The following ARMC9 variants were observed in gnomAD, a reference collection of about 807,000 sequenced individuals.
ARMC9 encodes lisH domain-containing protein ARMC9.
In ARMC9, 94 loss-of-function variants were observed where a neutral mutation model predicts 107.0. That is an observed-to-expected ratio of 0.88 (90% CI 0.74 to 1.04). ARMC9 has a LOEUF of 1.04. Among genes scored for constraint, ARMC9 ranks in the 50% least tolerant of loss-of-function variants. The pLI, the probability that ARMC9 is intolerant of heterozygous loss-of-function variation, is 0.00. For synonymous variants in ARMC9, 380 were observed against 396.9 expected, an observed-to-expected ratio of 0.96 and a Z score of 0.51; for missense variants, 942 against 1,030.1, an observed-to-expected ratio of 0.91 and a Z score of 1.17.
At chr2:231,321,585 T>C (rs2042996960) in intron 19 of ARMC9, among the ~76,000 whole-genome samples, 1 of 152,216 alleles carries the variant, frequency 6.6e-6, no homozygotes, top group African/African-American at 2.4e-5. Context: ...TGTCCAGTCC[T>C]GGAGTGGTGG....
At chr2:231,283,731 A>G (rs772294582) in intron 17 of ARMC9, among the ~76,000 whole-genome samples, 2 of 151,948 alleles carry the variant, frequency 1.3e-5, no homozygotes, top group Non-Finnish European at 2.9e-5. Context: ...TGCCCAGCCA[A>G]TTTTTGTTTT....
At chr2:231,216,578 T>A (rs1041798370) in intron 4 of ARMC9, 60 bp from the exon 5 acceptor site, 1 of 1,551,378 alleles carries the variant, frequency 6.4e-7, no homozygotes, top group African/African-American at 1.4e-5. Context: ...GAGGATGGGG[T>A]GAGCAGATAG....
intron 7 of ARMC9, among the ~76,000 whole-genome samples, chr2:231,229,420 G>A (rs2034997476): frequency 1.3e-5 from 2 of 152,200 alleles, no homozygotes; most frequent in Non-Finnish European, 2.9e-5. Flanking sequence ...AGACAGGAAA[G>A]GCACTTGCAG....
At chr2:231,216,607 G>C (rs764275550) in intron 4 of ARMC9, 31 bp from the exon 5 acceptor site, 5 of 1,605,812 alleles carry the variant, frequency 3.1e-6, no homozygotes, top group Non-Finnish European at 4.3e-6. Flanking sequence ...TTGATCTGGA[G>C]ACCTCAAACA....
intron 21 of ARMC9, among the ~76,000 whole-genome samples, chr2:231,347,469 A>C (rs2044860943): frequency 6.6e-6 from 1 of 151,856 alleles, no homozygotes; most frequent in African/African-American, 2.4e-5. Flanking sequence ...GGTACTCCAG[A>C]CGGGCTACAC....
At chr2:231,293,622 T>A (rs2041170609) in intron 18 of ARMC9, among the ~76,000 whole-genome samples, 1 of 152,202 alleles carries the variant, frequency 6.6e-6, no homozygotes, top group African/African-American at 2.4e-5. Context: ...GTAAGGGATG[T>A]CTCTGGAAGA....
chr2:231,199,411 A>G (rs549868622), intron 1 of ARMC9, among the ~76,000 whole-genome samples: 1 of 152,330 alleles, frequency 6.6e-6, no homozygotes, highest in South Asian at 2.1e-4. Flanking sequence ...TCATTTGCAC[A>G]AGCGTGCCAG....
At chr2:231,223,512 A>T (rs1205503729) in intron 6 of ARMC9, among the ~76,000 whole-genome samples, 1 of 152,250 alleles carries the variant, frequency 6.6e-6, no homozygotes, top group Non-Finnish European at 1.5e-5. Flanking sequence ...TTTACTTGGA[A>T]TAAAAATGTA....
At chr2:231,320,026 G>T (rs759049140) in intron 19 of ARMC9, among the ~76,000 whole-genome samples, 23 of 151,986 alleles carry the variant, frequency 1.5e-4, no homozygotes, top group Non-Finnish European at 3.2e-4. Flanking sequence ...TACATAAGTG[G>T]CTAGTATTAT....
chr2:231,201,531 A>G (rs1453466114), intron 1 of ARMC9, among the ~76,000 whole-genome samples: 2 of 152,072 alleles, frequency 1.3e-5, no homozygotes, highest in Admixed American at 6.6e-5. Context: ...TTTTAGTACT[A>G]GTCACCTTCA....
At chr2:231,333,108 G>A (rs1480851249) in intron 20 of ARMC9, among the ~76,000 whole-genome samples, 6 of 152,168 alleles carry the variant, frequency 3.9e-5, no homozygotes, top group Non-Finnish European at 8.8e-5. Flanking sequence ...GGGCCCCCTG[G>A]TCACCTGGCC....
chr2:231,235,143 T>G (rs1203655746), intron 7 of ARMC9, 81 bp from the exon 8 acceptor site: 1 of 1,419,044 alleles, frequency 7.0e-7, no homozygotes, highest in Non-Finnish European at 9.5e-7. Context: ...GCAATAAGTA[T>G]GGTAGTTCTT....
intron 19 of ARMC9, among the ~76,000 whole-genome samples, chr2:231,324,367 C>T (rs2043190233): frequency 6.6e-6 from 1 of 150,930 alleles, no homozygotes; most frequent in African/African-American, 2.4e-5. Flanking sequence ...ACCTCGTAAT[C>T]CGCCCACCTC....
chr2:231,318,933 A>C (rs1284241218), intron 19 of ARMC9, among the ~76,000 whole-genome samples: 1 of 152,178 alleles, frequency 6.6e-6, no homozygotes, highest in African/African-American at 2.4e-5. Flanking sequence ...GATGATAGCC[A>C]GGTGACCATG....
chr2:231,224,647 A>G (rs1336867195), intron 6 of ARMC9, among the ~76,000 whole-genome samples: 1 of 152,226 alleles, frequency 6.6e-6, no homozygotes, highest in East Asian at 1.9e-4. Context: ...ATATGCTGAA[A>G]TATAGCAGGT....
intron 19 of ARMC9, among the ~76,000 whole-genome samples, chr2:231,327,207 C>T (rs1045569260): frequency 7.2e-5 from 11 of 152,168 alleles, no homozygotes; most frequent in African/African-American, 2.7e-4. Context: ...GTTCGGTCGG[C>T]GTTCGAGTAT....
intron 23 of ARMC9, among the ~76,000 whole-genome samples, chr2:231,361,906 G>A (rs1388113430): frequency 6.6e-6 from 1 of 152,204 alleles, no homozygotes; most frequent in Non-Finnish European, 1.5e-5. Flanking sequence ...TGGCAGACAG[G>A]AGGAGGATGT....
chr2:231,331,920 G>A (rs1474224957), intron 20 of ARMC9, 23 bp downstream of exon 20: 1 of 1,582,432 alleles, frequency 6.3e-7, no homozygotes, highest in Non-Finnish European at 8.7e-7. Flanking sequence ...CAAAGGGTGG[G>A]GATCCTGAAA....
intron 20 of ARMC9, among the ~76,000 whole-genome samples, chr2:231,333,849 C>T (rs754604453): frequency 2.6e-5 from 4 of 152,212 alleles, no homozygotes; most frequent in Non-Finnish European, 5.9e-5. Flanking sequence ...ATACAGCGCT[C>T]AGTTAATAAT....
Sources: allele counts gnomAD v4.1 joint callset (sites outside exome capture counted in the v4.1 genomes callset), GRCh38; gene constraint gnomAD v4.1.1; transcripts MANE v1.5; gene names NCBI Gene and HGNC (gene_info 2026-07-23, HGNC 2026-07-21).